The following PSD3 variants were observed in gnomAD, a reference collection of about 807,000 sequenced individuals.
The protein encoded by PSD3 is PH and SEC7 domain-containing protein 3.
A neutral mutation model predicts 105.5 loss-of-function variants in PSD3; 49 were observed. The ratio of observed to expected loss-of-function variants is 0.46; its 90% CI spans 0.37 to 0.59. The LOEUF (loss-of-function observed/expected upper bound fraction) is 0.59, where lower values mean the gene tolerates loss of function less well. Ranked by LOEUF, PSD3 falls within the 20% of genes least tolerant of loss-of-function variation. The probability of loss-of-function intolerance (pLI) is 0.00; values close to 1 mark genes in which losing one functional copy is unlikely to be tolerated. For missense variants in PSD3, 1,561 were observed against 1,263.8 expected (o/e 1.24, Z -3.57); for synonymous variants, 557 against 457.8 (o/e 1.22, Z -2.77).
chr8:19,079,440 A>G (rs1164479196), intron 1 of PSD3, among the ~76,000 whole-genome samples: 1 of 152,220 alleles, frequency 6.6e-6, no homozygotes, highest in Non-Finnish European at 1.5e-5. Context: ...TTTCTTTTAT[A>G]AAATTCTAAA....
At chr8:18,645,880 C>T (rs575944534) in intron 10 of PSD3, among the ~76,000 whole-genome samples, 1 of 152,196 alleles carries the variant, frequency 6.6e-6, no homozygotes, top group African/African-American at 2.4e-5. Flanking sequence ...ATAATTTTAT[C>T]AGTTTTTCCA....
At chr8:19,002,751 A>C (rs541767521) in intron 1 of PSD3, among the ~76,000 whole-genome samples, 27 of 152,206 alleles carry the variant, frequency 1.8e-4, no homozygotes, top group Middle Eastern at 3.4e-3. Context: ...ATACATGTTC[A>C]GACACAACAT....
intron 1 of PSD3, among the ~76,000 whole-genome samples, chr8:19,077,529 AG>A (rs1402093473): frequency 6.6e-6 from 1 of 152,188 alleles, no homozygotes; most frequent in Non-Finnish European, 1.5e-5. Flanking sequence ...AACTCCATGT[AG>A]CCGTCATTCT....
chr8:18,842,716 A>C (rs7829902), intron 4 of PSD3, among the ~76,000 whole-genome samples: 1 of 151,778 alleles, frequency 6.6e-6, no homozygotes, highest in Non-Finnish European at 1.5e-5. Context: ...CTGGGCGACA[A>C]AGCGAGACTC....
upstream of PSD3, among the ~76,000 whole-genome samples, chr8:19,018,612 G>A (rs1268779799): frequency 1.3e-5 from 2 of 152,204 alleles, no homozygotes; most frequent in Non-Finnish European, 2.9e-5. Flanking sequence ...GCACGCATGC[G>A]CTAATAAATC....
intron 1 of PSD3, among the ~76,000 whole-genome samples, chr8:18,975,314 A>AAT (rs1491401616): frequency 6.9e-6 from 1 of 144,316 alleles, no homozygotes; most frequent in African/African-American, 2.6e-5. Context: ...ATTTTCTGAA[A>AAT]TTTTTTTTTT....
intron 4 of PSD3, among the ~76,000 whole-genome samples, chr8:18,814,478 C>T (rs940281754): frequency 3.3e-5 from 5 of 152,180 alleles, no homozygotes; most frequent in Non-Finnish European, 7.3e-5. Flanking sequence ...TGCAGGTTTT[C>T]ACTTTTTGTT....
intron 12 of PSD3, among the ~76,000 whole-genome samples, chr8:18,591,743 T>C (rs192835986): frequency 5.9e-5 from 9 of 152,114 alleles, no homozygotes; most frequent in Admixed American, 2.0e-4. Context: ...GAGGGAGTGG[T>C]ATCTGACTCT....
intron 1 of PSD3, among the ~76,000 whole-genome samples, chr8:18,957,889 A>G (rs1045985655): frequency 1.3e-5 from 2 of 152,226 alleles, no homozygotes; most frequent in Admixed American, 6.5e-5. Context: ...AGTCTTGGCC[A>G]GAACACTTCA....
In PSD3 at chr8:18,754,016, G is replaced by A. The variant is rs148441180; in HGVS notation, c.2172+11433C>T. ...ACTTCTTGCTACTGCCCCTCTATCT[G>A]AGGAACATCACTTCCTTGAACTCCA... is the stretch of plus-strand genomic sequence containing the variant. On this transcript the variant is annotated intron_variant, in intron 9 of 15. Transcript: ENST00000327040. Among the ~76,000 whole-genome samples, 457 of 152,234 alleles carry A rather than the reference G, an allele frequency of 3.0e-3. 3 individuals are homozygous for A. Among genetic ancestry groups the A allele is most frequent in the African/African-American group, 0.011 (440 of 41,528 alleles).
At chr8:18,613,733 G>C (rs17518437) in intron 11 of PSD3, among the ~76,000 whole-genome samples, 5,004 of 152,210 alleles carry the variant, frequency 0.033, 79 homozygotes, top group East Asian at 0.058. Flanking sequence ...GGGCTCTAAA[G>C]CAGAATCCAT....
chr8:18,926,704 G>C (rs1821385885), intron 2 of PSD3, among the ~76,000 whole-genome samples: 1 of 152,112 alleles, frequency 6.6e-6, no homozygotes, highest in South Asian at 2.1e-4. Flanking sequence ...TTTTTCCTCT[G>C]ATCTCACACC....
At chr8:18,943,000 C>T (rs1822646876) in intron 1 of PSD3, among the ~76,000 whole-genome samples, 1 of 152,096 alleles carries the variant, frequency 6.6e-6, no homozygotes, top group East Asian at 1.9e-4. Context: ...TGAAGACATG[C>T]AAAGTTGTAA....
chr8:18,683,301 C>T (rs970088595), intron 9 of PSD3, among the ~76,000 whole-genome samples: 1 of 152,088 alleles, frequency 6.6e-6, no homozygotes, highest in African/African-American at 2.4e-5. Context: ...TATAATAGGA[C>T]CAGGTCATAC....
At chr8:18,540,290 A>T (rs558818252) in intron 15 of PSD3, among the ~76,000 whole-genome samples, 21 of 152,342 alleles carry the variant, frequency 1.4e-4, no homozygotes, top group African/African-American at 5.0e-4. Flanking sequence ...TATGCTATAA[A>T]CAACTTTTAT....
At chr8:18,563,499 C>A (rs375424595) in intron 14 of PSD3, among the ~76,000 whole-genome samples, 1 of 151,900 alleles carries the variant, frequency 6.6e-6, no homozygotes, top group Non-Finnish European at 1.5e-5. Context: ...CTGTTCAAAA[C>A]GAAGTGGTAC....
At chr8:18,802,697 T>G (rs1361921328) in intron 6 of PSD3, among the ~76,000 whole-genome samples, 1 of 152,166 alleles carries the variant, frequency 6.6e-6, no homozygotes, top group Non-Finnish European at 1.5e-5. Context: ...AGACCTCAGT[T>G]TCTTGATTTG....
intron 11 of PSD3, among the ~76,000 whole-genome samples, chr8:18,629,439 A>G (rs1167907246): frequency 6.6e-6 from 1 of 152,040 alleles, no homozygotes; most frequent in Non-Finnish European, 1.5e-5. Context: ...AACAGTTCAA[A>G]ACTGGAAACA....
At chr8:18,713,213 G>A (rs1366943695) in intron 9 of PSD3, among the ~76,000 whole-genome samples, 1 of 152,088 alleles carries the variant, frequency 6.6e-6, no homozygotes, top group Non-Finnish European at 1.5e-5. Context: ...CACACCCCTT[G>A]AAAACCGGCA....
Sources: allele counts gnomAD v4.1 joint callset (sites outside exome capture counted in the v4.1 genomes callset), GRCh38; gene constraint gnomAD v4.1.1; transcripts MANE v1.5; gene names NCBI Gene and HGNC (gene_info 2026-07-23, HGNC 2026-07-21).